Variants in ARMH4 observed in about 807,000 individuals in gnomAD.
The protein encoded by ARMH4 is armadillo-like helical domain-containing protein 4.
In ARMH4, 49 loss-of-function variants were observed where a neutral mutation model predicts 61.9. The ratio of observed to expected loss-of-function variants is 0.79; its 90% CI spans 0.63 to 1.00. ARMH4 has a LOEUF of 1.00. Ranked by LOEUF, ARMH4 falls within the 50% of genes least tolerant of loss-of-function variation. The probability of loss-of-function intolerance (pLI) is 0.00; values close to 1 mark genes in which losing one functional copy is unlikely to be tolerated. For missense variants in ARMH4, 934 were observed against 930.0 expected (o/e 1.00, Z -0.06); for synonymous variants, 368 against 341.5 (o/e 1.08, Z -0.85).
chr14:58,138,036 A>G lies in ARMH4; in HGVS notation c.1323T>C (p.Ser441=). ...LFFLETTVSV[S]VYESEADQLL... is the part of the protein sequence containing the mutation. The stretch of plus-strand genomic sequence containing the variant: ...GTTGGTCTGCCTCAGACTCATATAC[A>G]GAGACAGAAACAGTGGTTTCTAAGA... The change falls in exon 2 of 8, where the codon TCT becomes TCC. Residue 441 remains serine (S), a synonymous_variant. Coordinates refer to ENST00000267485, the MANE Select transcript of ARMH4 (RefSeq NM_001001872.4). 1 of 1,614,178 alleles carries G rather than the reference A, an allele frequency of 6.2e-7. No individual in the cohort carries two copies.
intron 5 of ARMH4, among the ~76,000 whole-genome samples, chr14:58,078,591 G>C (rs1274476458): frequency 6.6e-6 from 1 of 152,252 alleles, no homozygotes; most frequent in African/African-American, 2.4e-5. Flanking sequence ...TACAGATATA[G>C]ATCTTGACTG....
intron 5 of ARMH4, among the ~76,000 whole-genome samples, chr14:58,023,419 A>G (rs1018708263): frequency 6.6e-6 from 1 of 152,154 alleles, no homozygotes; most frequent in Non-Finnish European, 1.5e-5. Context: ...TCATCCATTC[A>G]AGTCTTATCA....
At chr14:58,141,712 T>A in intron 1 of ARMH4, 1 of 288,634 alleles carries the variant, frequency 3.5e-6, no homozygotes, top group Non-Finnish European at 6.6e-6. Context: ...CCAGGCCCCA[T>A]GGCCCTGGGG....
At chr14:58,095,809 C>T (rs1305802296) in intron 5 of ARMH4, among the ~76,000 whole-genome samples, 1 of 152,230 alleles carries the variant, frequency 6.6e-6, no homozygotes, top group Non-Finnish European at 1.5e-5. Flanking sequence ...ATCCCCAAAA[C>T]TAGTATTTGT....
At chr14:58,017,480 T>C (rs1474502536) in intron 5 of ARMH4, among the ~76,000 whole-genome samples, 2 of 152,192 alleles carry the variant, frequency 1.3e-5, no homozygotes, top group Non-Finnish European at 2.9e-5. Flanking sequence ...CAAGCATTTC[T>C]ATATCCTACC....
intron 7 of ARMH4, 110 bp downstream of exon 7, chr14:58,004,938 C>A (rs1882106290): frequency 1.9e-6 from 3 of 1,539,412 alleles, no homozygotes; most frequent in South Asian, 2.3e-5. Context: ...GACCACTGGG[C>A]ACGTCAATAC....
chr14:58,000,924 T>C lies in ARMH4; in HGVS notation c.*3812A>G, dbSNP rs1318420055. The C allele has an allele frequency of 6.6e-6, 1 of 152,174 alleles. No individual in the cohort carries two copies. Among genetic ancestry groups the C allele is most frequent in the East Asian group, 1.9e-4 (1 of 5,192 alleles). 9.4% of individuals were successfully genotyped at this position (152,174 alleles called of 1,614,324 possible). On this transcript the variant is annotated 3_prime_UTR_variant, in exon 8 of 8. Coordinates refer to ENST00000267485, the MANE Select transcript of ARMH4 (RefSeq NM_001001872.4). ...ACAAATTTTTAACTGCACAGTACGA[T>C]ATTGTTAACTATAGGCACTATGTTA... is the stretch of plus-strand genomic sequence containing the variant.
chr14:58,049,050 A>T (rs966810145), intron 5 of ARMH4, among the ~76,000 whole-genome samples: 1 of 152,104 alleles, frequency 6.6e-6, no homozygotes, highest in Non-Finnish European at 1.5e-5. Context: ...ATCCTGGCTA[A>T]CATGGTGAAA....
At chr14:58,084,385 G>A (rs893655312) in intron 5 of ARMH4, among the ~76,000 whole-genome samples, 13 of 152,082 alleles carry the variant, frequency 8.5e-5, no homozygotes, top group African/African-American at 3.1e-4. Flanking sequence ...CTCTACTATT[G>A]GTCTATTTCC....
intron 4 of ARMH4, among the ~76,000 whole-genome samples, chr14:58,107,878 T>C (rs925644587): frequency 6.6e-6 from 1 of 152,108 alleles, no homozygotes; most frequent in Non-Finnish European, 1.5e-5. Context: ...TTTCTCCCAC[T>C]TCTCCCATGA....
Position 58,131,631 on chromosome 14 carries a change from G to C in ARMH4, c.1712C>G (p.Pro571Arg). The C allele has an allele frequency of 6.2e-7, 1 of 1,614,076 alleles. No homozygotes were observed. The highest frequency in any genetic ancestry group is 8.5e-7 in the Non-Finnish European group (1 of 1,179,964). ...AGCAGGAAGTGCAGGGGAAATGCTGGGTTCCCCCACCATTATTCCAGGAGG... is the reference window on the plus strand; with the variant it reads ...AGCAGGAAGTGCAGGGGAAATGCTGCGTTCCCCCACCATTATTCCAGGAGG... ...VTPPGIMVGEPSISPALPALE... is the reference protein window; with the variant it reads ...VTPPGIMVGERSISPALPALE... Residue 571 changes from proline (P) to arginine (R), a missense_variant, in exon 4 of 8, where the codon CCC (proline) becomes CGC (arginine). Physicochemically the swap from Pro to Arg is moderately radical, Grantham distance 103. Coordinates refer to ENST00000267485, the MANE Select transcript of ARMH4 (RefSeq NM_001001872.4).
intron 4 of ARMH4, among the ~76,000 whole-genome samples, chr14:58,110,805 T>TCCACCTC (rs1349674912): frequency 6.6e-6 from 1 of 152,102 alleles, no homozygotes; most frequent in African/African-American, 2.4e-5. Context: ...CACTGCAACC[T>TCCACCTC]CCACCTCCCG....
Position 58,138,920 on chromosome 14 carries a change from T to A in ARMH4, c.439A>T (p.Ile147Phe), listed in dbSNP as rs760370193. ...ESGLAKAMLT[I>F]AITATPSLTV... ...AGAGAAGGAGTCGCAGTGATAGCAA[T>A]GGTTAACATGGCCTTGGCAAGTCCA... The change falls in exon 2 of 8, where the codon ATT (isoleucine) becomes TTT (phenylalanine). Residue 147 changes from isoleucine to phenylalanine, a missense_variant. Coordinates refer to ENST00000267485, the MANE Select transcript of ARMH4 (RefSeq NM_001001872.4). 9.9e-6 allele frequency: 16 copies of A among 1,614,076 alleles called. No homozygotes were observed. In the East Asian group the frequency reaches 1.6e-4, roughly 16 times the overall value.
chr14:58,056,814 G>C (rs775187519), intron 5 of ARMH4, among the ~76,000 whole-genome samples: 1 of 152,128 alleles, frequency 6.6e-6, no homozygotes, highest in Non-Finnish European at 1.5e-5. Context: ...ACCCTAATCT[G>C]GTCATGGGTT....
chr14:58,095,755 T>C (rs144444163), intron 5 of ARMH4, among the ~76,000 whole-genome samples: 2 of 152,232 alleles, frequency 1.3e-5, no homozygotes, highest in South Asian at 2.1e-4. Flanking sequence ...CAGAATTACA[T>C]CCAGAGCAAA....
At chr14:58,053,756 A>G (rs945157846) in intron 5 of ARMH4, among the ~76,000 whole-genome samples, 1 of 152,220 alleles carries the variant, frequency 6.6e-6, no homozygotes. Context: ...CTGGCATTGC[A>G]TGATCCTCAC....
At chr14:58,097,013 A>C (rs1428495601) in intron 4 of ARMH4, 32 bp from the exon 5 acceptor site, 1 of 1,599,886 alleles carries the variant, frequency 6.3e-7, no homozygotes, top group Non-Finnish European at 8.6e-7. Context: ...GGAAGCATAA[A>C]CATATAATGA....
At chr14:58,098,404 C>A (rs980642621) in intron 4 of ARMH4, among the ~76,000 whole-genome samples, 2 of 152,194 alleles carry the variant, frequency 1.3e-5, no homozygotes, top group African/African-American at 2.4e-5. Flanking sequence ...TCGTGGAGCC[C>A]ATGTGCCACC....
intron 6 of ARMH4, among the ~76,000 whole-genome samples, chr14:58,006,799 C>T (rs375174158): frequency 1.7e-4 from 26 of 151,978 alleles, no homozygotes; most frequent in South Asian, 6.2e-4. Context: ...TTAGGAGATA[C>T]ACCTAATGTA....
Sources: gnomAD v4.1 joint callset for allele counts (sites outside exome capture counted in the v4.1 genomes callset) on GRCh38, gnomAD v4.1.1 for gene constraint, MANE v1.5 for transcripts, NCBI Gene and HGNC (gene_info 2026-07-23, HGNC 2026-07-21) for gene names.